NLGN1: variants seen among roughly 807,000 people sequenced by gnomAD.
NLGN1 encodes the protein neuroligin 1.
In NLGN1, 12 loss-of-function variants were observed where a neutral mutation model predicts 65.5. That is an observed-to-expected ratio of 0.18 (90% CI 0.12 to 0.30). NLGN1 has a LOEUF of 0.30. Among genes scored for constraint, NLGN1 ranks in the 10% least tolerant of loss-of-function variants. NLGN1 has a pLI of 1.00. For synonymous variants in NLGN1, 350 were observed against 359.5 expected (o/e 0.97, Z 0.30); for missense variants, 750 against 1,007.1 (o/e 0.74, Z 3.46).
Position 174,280,892 on chromosome 3 carries a change from G to T in NLGN1, c.2061G>T (p.Leu687=). 1 of 1,613,400 alleles carries T rather than the reference G, an allele frequency of 6.2e-7. No individual in the cohort carries two copies. The highest frequency in any genetic ancestry group is 8.5e-7 in the Non-Finnish European group (1 of 1,179,614). The change falls in exon 7 of 7, where the codon CTG becomes CTT. Residue 687 remains leucine, a synonymous_variant. Transcript: ENST00000457714. The surrounding 1 kb of genome is among the most constrained non-coding windows in gnomAD (Gnocchi z 4.9). ...CTATTGCAGTTGGAGCATCACTGCT[G>T]TTTCTGAACATCTTGGCCTTTGCAG...
chr3:173,721,225 C>T (rs978261678), intron 3 of NLGN1, among the ~76,000 whole-genome samples: 1 of 152,232 alleles, frequency 6.6e-6, no homozygotes, highest in African/African-American at 2.4e-5. Context: ...CATTATGGCT[C>T]CAGTCACCAG....
At chr3:174,165,133 T>A (rs570430385) in intron 4 of NLGN1, among the ~76,000 whole-genome samples, 5 of 152,060 alleles carry the variant, frequency 3.3e-5, no homozygotes, top group Non-Finnish European at 7.4e-5. Context: ...TTTAATATTA[T>A]TGGTTTATAG....
intron 2 of NLGN1, among the ~76,000 whole-genome samples, chr3:173,525,226 G>GT (rs557846075): frequency 2.4e-4 from 31 of 127,110 alleles, no homozygotes; most frequent in Middle Eastern, 7.6e-3. Flanking sequence ...TCCTGGGTGG[G>GT]TTTTTTGTTG....
At chr3:174,176,392 C>CA (rs951051397) in intron 4 of NLGN1, among the ~76,000 whole-genome samples, 23 of 149,292 alleles carry the variant, frequency 1.5e-4, no homozygotes, top group Admixed American at 6.0e-4. Flanking sequence ...TTTATAGATG[C>CA]AAAAAAAAAT....
exon 3 of NLGN1, chr3:173,604,565 T>C (rs766317348): frequency 5.0e-6 from 8 of 1,606,682 alleles, no homozygotes; most frequent in African/African-American, 1.3e-5. Context: ...TTTGCCTCAC[T>C]GTAACCAGAC....
chr3:174,288,495 CTTTT>C (rs1177735064), downstream of NLGN1, among the ~76,000 whole-genome samples: 2 of 150,618 alleles, frequency 1.3e-5, no homozygotes, highest in East Asian at 3.9e-4. Context: ...ATTTCTTGCT[CTTTT>C]TTTTTCTTTT....
intron 1 of NLGN1, among the ~76,000 whole-genome samples, chr3:173,415,810 T>TTTAGTCTC (rs1417720732): frequency 6.6e-6 from 1 of 151,728 alleles, no homozygotes; most frequent in African/African-American, 2.4e-5. Flanking sequence ...CATTAAGTTA[T>TTTAGTCTC]TTAGTCTCTC....
At chr3:173,396,038 T>C (rs1716596030), upstream of NLGN1, among the ~76,000 whole-genome samples, 2 of 151,982 alleles carry the variant, frequency 1.3e-5, no homozygotes, top group Non-Finnish European at 2.9e-5. Context: ...TACGTGTGTG[T>C]GTGCGTGTCT....
At chr3:173,560,838 G>A (rs144203901) in intron 2 of NLGN1, among the ~76,000 whole-genome samples, 166 of 152,164 alleles carry the variant, frequency 1.1e-3, no homozygotes, top group African/African-American at 3.0e-3. Context: ...GAAGTTCTTC[G>A]GAATTTGCAA....
chr3:173,570,709 AATTT>A (rs982231981), intron 2 of NLGN1, among the ~76,000 whole-genome samples: 2 of 151,944 alleles, frequency 1.3e-5, no homozygotes, highest in African/African-American at 4.8e-5. Context: ...AATTAAAGTG[AATTT>A]ATTTATTTAA....
At chr3:174,064,862 C>T (rs903976073) in intron 4 of NLGN1, among the ~76,000 whole-genome samples, 9 of 150,172 alleles carry the variant, frequency 6.0e-5, no homozygotes, top group East Asian at 3.9e-4. Context: ...TATATTAATA[C>T]ACATAGTAAG....
intron 3 of NLGN1, among the ~76,000 whole-genome samples, chr3:173,775,061 A>G (rs547054916): frequency 6.6e-6 from 1 of 152,272 alleles, no homozygotes; most frequent in Non-Finnish European, 1.5e-5. Context: ...ATTATAGTCA[A>G]TAAAATAGTT....
chr3:174,073,827 A>C (rs941885451), intron 4 of NLGN1, among the ~76,000 whole-genome samples: 1 of 152,212 alleles, frequency 6.6e-6, no homozygotes, highest in African/African-American at 2.4e-5. Flanking sequence ...ACAAAATGAC[A>C]GTCAAAATCT....
chr3:173,718,086 G>A (rs1383986656), intron 3 of NLGN1, among the ~76,000 whole-genome samples: 1 of 152,012 alleles, frequency 6.6e-6, no homozygotes, highest in African/African-American at 2.4e-5. Flanking sequence ...ACTATGTGTA[G>A]CGATCAAATT....
intron 2 of NLGN1, among the ~76,000 whole-genome samples, chr3:173,481,511 CAT>C (rs1297668322): frequency 4.0e-5 from 6 of 151,782 alleles, no homozygotes; most frequent in African/African-American, 1.4e-4. Context: ...TGATTAGAAT[CAT>C]ATTTCTTTAC....
At chr3:173,816,141 AATT>A (rs1459225583) in intron 4 of NLGN1, among the ~76,000 whole-genome samples, 1 of 151,312 alleles carries the variant, frequency 6.6e-6, no homozygotes, top group African/African-American at 2.4e-5. Flanking sequence ...CTATAATTAT[AATT>A]ATTATAAGAT....
intron 2 of NLGN1, among the ~76,000 whole-genome samples, chr3:173,449,414 T>C (rs1380417234): frequency 6.6e-6 from 1 of 152,216 alleles, no homozygotes; most frequent in African/African-American, 2.4e-5. Flanking sequence ...TTGATTGCAC[T>C]GTGGTCTGAG....
At chr3:174,274,358 T>C (rs562066662) in intron 4 of NLGN1, among the ~76,000 whole-genome samples, 3 of 152,020 alleles carry the variant, frequency 2.0e-5, no homozygotes, top group Admixed American at 1.3e-4. Context: ...GTTTAAGATA[T>C]TGCTAAGTAA....
chr3:173,454,574 A>C (rs963900970), intron 2 of NLGN1, among the ~76,000 whole-genome samples: 12 of 146,060 alleles, frequency 8.2e-5, no homozygotes, highest in Non-Finnish European at 9.3e-5. Flanking sequence ...TGTGTTATGG[A>C]GGACATCTTC....
Sources: allele counts gnomAD v4.1 joint callset (sites outside exome capture counted in the v4.1 genomes callset), GRCh38; gene constraint gnomAD v4.1.1; non-coding constraint Gnocchi (gnomAD v3.1); transcripts MANE v1.5; gene names NCBI Gene and HGNC (gene_info 2026-07-23, HGNC 2026-07-21).